Variants in ST6GALNAC2 observed in about 807,000 individuals in gnomAD.
ST6GALNAC2 encodes the protein ST6 N-acetylgalactosaminide alpha-2,6-sialyltransferase 2.
A neutral mutation model predicts 38.7 loss-of-function variants in ST6GALNAC2; 42 were observed. That is an observed-to-expected ratio of 1.09 (90% confidence interval 0.85 to 1.40). The LOEUF is 1.40. ST6GALNAC2 is among the 40% of genes most tolerant of loss of function. ST6GALNAC2 has a pLI of 0.00. For synonymous variants in ST6GALNAC2, 233 were observed against 209.0 expected (o/e 1.11, Z -0.99); for missense variants, 506 against 481.7 (o/e 1.05, Z -0.47).
At chr17:76,580,733 G>C (rs552720839) in intron 1 of ST6GALNAC2, among the ~76,000 whole-genome samples, 1 of 150,646 alleles carries the variant, frequency 6.6e-6, no homozygotes, top group East Asian at 1.9e-4. Context: ...AAAAAAAAGA[G>C]TGAAAGTTTG....
At chr17:76,569,475 GGGCTGTGA>G in intron 6 of ST6GALNAC2, 1 of 376,516 alleles carries the variant, frequency 2.7e-6, no homozygotes. Context: ...TCCGGGAAGA[GGGCTGTGA>G]GGCATTTGGG....
chr17:76,572,094 C>T (rs1261385539), intron 5 of ST6GALNAC2, among the ~76,000 whole-genome samples: 2 of 152,080 alleles, frequency 1.3e-5, no homozygotes, highest in Non-Finnish European at 2.9e-5. Flanking sequence ...TGGACATGTT[C>T]CTGAACCTCT....
chr17:76,573,115 G>T lies in ST6GALNAC2; in HGVS notation c.530+80C>A. The T allele has an allele frequency of 6.9e-7, 1 of 1,451,562 alleles. No individual in the cohort carries two copies. The allele number at this position is 1,451,562 out of a possible 1,614,324, so 89.9% of individuals were successfully genotyped here. On this transcript the variant is annotated intron_variant, in intron 4 of 8. Transcript: ENST00000225276. This position sits in a 1 kb window ranked among gnomAD's most constrained non-coding sequence, Gnocchi z 5.1. The stretch of plus-strand genomic sequence containing the variant: ...AGCCGCCCAGGCCACTGCTGCCATA[G>T]CCCACTGCCCCTGGGGGAGACACCC...
chr17:76,583,711 C>T (rs1598265004), intron 1 of ST6GALNAC2, among the ~76,000 whole-genome samples: 1 of 151,310 alleles, frequency 6.6e-6, no homozygotes, highest in Non-Finnish European at 1.5e-5. Flanking sequence ...ACGTCACATG[C>T]AGAGTGGGGC....
At chr17:76,581,413 C>T (rs963134861) in intron 1 of ST6GALNAC2, among the ~76,000 whole-genome samples, 3 of 151,790 alleles carry the variant, frequency 2.0e-5, no homozygotes, top group South Asian at 2.1e-4. Flanking sequence ...GTTCTGGGGT[C>T]GGGGGAGGGC....
At chr17:76,575,634 G>A (rs1478614085) in intron 2 of ST6GALNAC2, among the ~76,000 whole-genome samples, 1 of 152,126 alleles carries the variant, frequency 6.6e-6, no homozygotes, top group East Asian at 1.9e-4. Flanking sequence ...CAATTTCTGT[G>A]GATCGAAGCC....
At chr17:76,585,218 C>T (rs971445056) in intron 1 of ST6GALNAC2, among the ~76,000 whole-genome samples, 4 of 152,204 alleles carry the variant, frequency 2.6e-5, no homozygotes, top group Non-Finnish European at 5.9e-5. Context: ...GCGGGAAAGG[C>T]GACTGGCCGC....
chr17:76,570,472 A>G, intron 6 of ST6GALNAC2, 93 bp downstream of exon 6: 1 of 811,146 alleles, frequency 1.2e-6, no homozygotes, highest in Non-Finnish European at 2.0e-6. Flanking sequence ...ACCTCCTCTT[A>G]CCCCATGATG....
intron 7 of ST6GALNAC2, 105 bp from the exon 8 acceptor site, chr17:76,567,657 T>G (rs752039130): frequency 1.1e-5 from 8 of 716,792 alleles, no homozygotes; most frequent in Non-Finnish European, 2.0e-5. Flanking sequence ...CTGAGGGCCT[T>G]CTACTCCAGT....
intron 2 of ST6GALNAC2, among the ~76,000 whole-genome samples, chr17:76,575,524 C>T (rs1353436989): frequency 6.6e-6 from 1 of 152,216 alleles, no homozygotes; most frequent in Non-Finnish European, 1.5e-5. Flanking sequence ...GCCGCCAGAG[C>T]TGGGAAAAGG....
intron 1 of ST6GALNAC2, 114 bp from the exon 2 acceptor site, chr17:76,578,930 A>G: frequency 1.2e-6 from 1 of 830,212 alleles, no homozygotes; most frequent in Non-Finnish European, 1.9e-6. Flanking sequence ...GTCTGTGCCC[A>G]TCGTGGTGGC....
Position 76,574,537 on chromosome 17 carries a change from G to A in ST6GALNAC2, c.189C>T (p.Gly63=). 6.5e-6 allele frequency: 9 copies of A among 1,385,310 alleles called. No individual in the cohort carries two copies. Among genetic ancestry groups the A allele is most frequent in the Non-Finnish European group, 8.7e-6 (9 of 1,035,836 alleles). The allele number at this position is 1,385,310 out of a possible 1,614,324, so 85.8% of individuals were successfully genotyped here. ...GGTGAAGCAGGTGTCGGCAGGCCTG[G>A]CCCTGTGGGTGAGAAGGTGAGGGCT... ...SKASNSWTGK[G]QACRHLLHLA... is the part of the protein sequence containing the mutation. The change falls in exon 3 of 9, where the codon GGC becomes GGT. Residue 63 remains glycine (G), a splice_region_variant and synonymous_variant. Transcript: ENST00000225276.
chr17:76,568,871 G>C, intron 6 of ST6GALNAC2, 75 bp from the exon 7 acceptor site: 1 of 1,453,580 alleles, frequency 6.9e-7, no homozygotes, highest in Non-Finnish European at 9.6e-7. Flanking sequence ...GGGAGGGTCA[G>C]GGCGCCGGAG....
In ST6GALNAC2 at chr17:76,573,366, G is replaced by A; in HGVS notation, c.362-3C>T. The A allele has an allele frequency of 1.3e-6, 2 of 1,532,228 alleles. No individual in the cohort carries two copies. Among genetic ancestry groups the A allele is most frequent in the Non-Finnish European group, 8.8e-7 (1 of 1,137,572 alleles). 94.9% of individuals were successfully genotyped at this position (1,532,228 alleles called of 1,614,324 possible). On this transcript the variant is annotated splice_polypyrimidine_tract_variant and splice_region_variant and intron_variant, in intron 3 of 8. Transcript: ENST00000225276. This position sits in a 1 kb window ranked among gnomAD's most constrained non-coding sequence, Gnocchi z 5.1. The stretch of plus-strand genomic sequence containing the variant: ...AAGGCTCAGGGTGGAGGCGATGACT[G>A]TGGGTGCAGATGGGGAGCAGCCATG...
Position 76,567,434 on chromosome 17 carries a change from G to T in ST6GALNAC2, c.957+19C>A, listed in dbSNP as rs780373837. 6.3e-7 allele frequency: 1 copy of T among 1,583,548 alleles called. No homozygotes were observed. On this transcript the variant is annotated intron_variant, in intron 8 of 8. Coordinates refer to ENST00000225276, the MANE Select transcript of ST6GALNAC2 (RefSeq NM_006456.3). ...CTGTGTTCTGCCGGCATGGGCTTCTGGAAGAGAAGGCCTCTTACCTGGTCA... is the reference window on the plus strand; with the variant it reads ...CTGTGTTCTGCCGGCATGGGCTTCTTGAAGAGAAGGCCTCTTACCTGGTCA...
rs964438712 is a variant in ST6GALNAC2, at chr17:76,585,843, G to C, written c.-35C>G. On this transcript the variant is annotated 5_prime_UTR_variant, in exon 1 of 9. Transcript: ENST00000225276. ...GCCCGCGAGCGCCCCGTCCGCTGAC[G>C]TCCCAGGCAGAAGGGAGAGAACCGG... 1.3e-6 allele frequency: 2 copies of C among 1,514,574 alleles called. No individual in the cohort carries two copies. Among genetic ancestry groups the C allele is most frequent in the Non-Finnish European group, 1.8e-6 (2 of 1,134,358 alleles). 93.8% of individuals were successfully genotyped at this position (1,514,574 alleles called of 1,614,324 possible).
rs1350159097 is a variant in ST6GALNAC2 at position 76,572,756 on chromosome 17, T to C, written c.550A>G (p.Lys184Glu). 6.2e-7 allele frequency: 1 copy of C among 1,614,198 alleles called. No homozygotes were observed. The change falls in exon 5 of 9, where the codon AAA becomes GAA. Residue 184 changes from lysine to glutamate, a missense_variant. Lys to Glu is a moderately conservative substitution (Grantham distance 56). Transcript: ENST00000225276. ...YVFRLNGAVI[K>E]GFERDVGTKT... is the part of the protein sequence containing the mutation. The stretch of plus-strand genomic sequence containing the variant: ...GTGCCCACATCGCGCTCGAAGCCTT[T>C]GATCACAGCTCCATTGAGTCTGGTT...
Position 76,585,749 on chromosome 17 carries a change from C to G in ST6GALNAC2, c.60G>C (p.Ser20=). 4 of 1,549,816 alleles carry G rather than the reference C, an allele frequency of 2.6e-6. No individual in the cohort carries two copies. In the South Asian group the frequency reaches 3.6e-5, roughly 14 times the overall value. ...WLLLLLTAAC[S]GLLFALYFSA... is the part of the protein sequence containing the mutation. ...AGAAGTACAGGGCAAAGAGGAGCCC[C>G]GAGCAGGCAGCCGTGAGCAGGAGCA... Residue 20 remains serine, a synonymous_variant, in exon 1 of 9, where the codon TCG becomes TCC. Transcript: ENST00000225276.
intron 8 of ST6GALNAC2, 25 bp from the exon 9 acceptor site, chr17:76,566,296 A>C (rs1433101924): frequency 6.2e-6 from 10 of 1,612,896 alleles, no homozygotes; most frequent in Non-Finnish European, 7.6e-6. Flanking sequence ...TCGCTGGATT[A>C]GTATTTGTTG....
Sources: gnomAD v4.1 joint callset for allele counts (sites outside exome capture counted in the v4.1 genomes callset) on GRCh38, gnomAD v4.1.1 for gene constraint, Gnocchi (gnomAD v3.1) non-coding constraint, MANE v1.5 for transcripts, NCBI Gene and HGNC (gene_info 2026-07-23, HGNC 2026-07-21) for gene names.